Variants in TMEM267 observed in about 807,000 individuals in gnomAD.
The protein encoded by TMEM267 is transmembrane protein C5orf28.
TMEM267 carries 20 observed loss-of-function variants against 19.3 expected under a neutral mutation model. The ratio of observed to expected loss-of-function variants is 1.04; its 90% confidence interval spans 0.73 to 1.51. The LOEUF is 1.51. TMEM267 is among the 40% of genes most tolerant of loss of function. The pLI is 0.00. For missense variants in TMEM267, 242 were observed against 261.9 expected, an observed-to-expected ratio of 0.92 and a Z score of 0.52; for synonymous variants, 88 against 90.3, an observed-to-expected ratio of 0.97 and a Z score of 0.15.
intron 1 of TMEM267, among the ~76,000 whole-genome samples, chr5:43,464,109 T>C (rs865813654): frequency 6.6e-6 from 1 of 152,154 alleles, no homozygotes; most frequent in South Asian, 2.1e-4. Flanking sequence ...CAGCAAAGTC[T>C]CAGGATACAA....
intron 1 of TMEM267, among the ~76,000 whole-genome samples, chr5:43,478,933 G>A (rs979691553): frequency 6.6e-6 from 1 of 151,956 alleles, no homozygotes; most frequent in Non-Finnish European, 1.5e-5. Context: ...AAACTTTCTC[G>A]TGGTCAATTT....
rs555547049 is a variant in TMEM267, at chr5:43,445,541, T to C, written c.*681A>G. On this transcript the variant is annotated 3_prime_UTR_variant, in exon 3 of 3. Transcript: ENST00000397080. ...ATACTACTTCAGTAAAGTGCTACTGTAGCCAACATGTTTTAATAATTATTT... is the reference window on the plus strand; with the variant it reads ...ATACTACTTCAGTAAAGTGCTACTGCAGCCAACATGTTTTAATAATTATTT... The C allele has an allele frequency of 2.6e-5, 4 of 152,302 alleles. No homozygotes were observed. The highest frequency in any genetic ancestry group is 9.6e-5 in the African/African-American group (4 of 41,582). 9.4% of individuals were successfully genotyped at this position (152,302 alleles called of 1,614,324 possible). A position where few individuals can be genotyped will look rare whatever the true frequency, so the allele number is the denominator to read the frequency against.
intron 2 of TMEM267, among the ~76,000 whole-genome samples, chr5:43,447,744 T>C (rs569212879): frequency 9.9e-5 from 15 of 152,246 alleles, no homozygotes; most frequent in African/African-American, 2.9e-4. Context: ...CTCTCACACT[T>C]CCATCCAAGT....
intron 1 of TMEM267, among the ~76,000 whole-genome samples, chr5:43,470,964 TA>T (rs1048403139): frequency 6.6e-5 from 10 of 150,626 alleles, no homozygotes; most frequent in African/African-American, 1.5e-4. Flanking sequence ...AAAATTGAAA[TA>T]AAAAAATACA....
Position 43,446,460 on chromosome 5 carries a change from A to G in TMEM267, c.410T>C (p.Leu137Pro), listed in dbSNP as rs1490785930. ...TLKFTMHLFK[L>P]KDSWCFLPWM... ...GGGAAGAAAGCACCATGAGTCTTTGAGCTTGAAAAGGTGCATAGTAAATTT... is the reference window on the plus strand; with the variant it reads ...GGGAAGAAAGCACCATGAGTCTTTGGGCTTGAAAAGGTGCATAGTAAATTT... The change falls in exon 3 of 3, where the codon CTC becomes CCC. Residue 137 changes from leucine (L) to proline (P), a missense_variant. Coordinates refer to ENST00000397080, the MANE Select transcript of TMEM267 (RefSeq NM_022483.5). The G allele has an allele frequency of 6.2e-7, 1 of 1,613,934 alleles. No homozygotes were observed. Among genetic ancestry groups the G allele is most frequent in the East Asian group, 2.2e-5 (1 of 44,872 alleles).
At chr5:43,446,656 G>A in intron 2 of TMEM267, 99 bp from the exon 3 acceptor site, 1 of 701,794 alleles carries the variant, frequency 1.4e-6, no homozygotes, top group Non-Finnish European at 2.3e-6. Context: ...AGAGTCTATT[G>A]GACATGCAAA....
At chr5:43,452,295 G>A (rs929383001) in intron 2 of TMEM267, among the ~76,000 whole-genome samples, 2 of 151,960 alleles carry the variant, frequency 1.3e-5, no homozygotes, top group Non-Finnish European at 2.9e-5. Flanking sequence ...GTCTTGTACA[G>A]CAACATGGAT....
At chr5:43,473,234 C>T (rs1040342561) in intron 1 of TMEM267, among the ~76,000 whole-genome samples, 3 of 149,760 alleles carry the variant, frequency 2.0e-5, no homozygotes, top group African/African-American at 7.4e-5. Flanking sequence ...CTTAATTGTA[C>T]ATTCAACATA....
At chr5:43,449,814 CACT>C (rs1742473188) in intron 2 of TMEM267, among the ~76,000 whole-genome samples, 1 of 152,152 alleles carries the variant, frequency 6.6e-6, no homozygotes, top group Non-Finnish European at 1.5e-5. Flanking sequence ...CTATGGTAAT[CACT>C]ACTTGCAAGA....
chr5:43,476,867 CA>C lies in TMEM267; in HGVS notation c.-75+6954del, dbSNP rs201187963. 6.3e-3 allele frequency among the ~76,000 whole-genome samples: 955 copies of C among 150,424 alleles called. 2 individuals are homozygous for C. Among genetic ancestry groups the C allele is most frequent in the Non-Finnish European group, 9.6e-3 (650 of 67,648 alleles). ...TTCCAAGTGCAAGGAAGGGCAAAAA[CA>C]GTTTTGTATAAGTAAAAAAAAAAAA... On this transcript the variant is annotated intron_variant, in intron 1 of 2. Coordinates refer to ENST00000397080, the MANE Select transcript of TMEM267 (RefSeq NM_022483.5).
rs1439611758 is a variant in TMEM267, at chr5:43,467,906, G to C, written c.-74-13863C>G. Among the ~76,000 whole-genome samples the C allele has an allele frequency of 3.3e-5, 5 of 152,060 alleles. No individual in the cohort carries two copies. The East Asian group carries it at 5.8e-4, about 18-fold the overall frequency. ...CCTGTGACCTGGAAGCCCTCAGTTG[G>C]GGGGGGCCTTACTTTGAGCTGTATC... is the stretch of plus-strand genomic sequence containing the variant. On this transcript the variant is annotated intron_variant, in intron 1 of 2. Transcript: ENST00000397080.
rs1449846779 is a variant in TMEM267, at chr5:43,453,963, A to AT, written c.6dup (p.Ser3IlefsTer4). 1.4e-5 allele frequency: 23 copies of AT among 1,612,736 alleles called. No individual in the cohort carries two copies. Among genetic ancestry groups the AT allele is most frequent in the Non-Finnish European group, 2.0e-5 (23 of 1,179,086 alleles). Reference sequence around the variant, plus strand: ...AAAGCATGGGTCTTTTCAGTCTCGGATGCCATGACAAACAATATGTTAGTA... The same window carrying AT: ...AAAGCATGGGTCTTTTCAGTCTCGGATTGCCATGACAAACAATATGTTAGTA... On this transcript the variant is annotated frameshift_variant, in exon 2 of 3. Coordinates refer to ENST00000397080, the MANE Select transcript of TMEM267 (RefSeq NM_022483.5). LOFTEE classifies it high-confidence loss of function.
intron 1 of TMEM267, among the ~76,000 whole-genome samples, chr5:43,465,519 G>C (rs1248176707): frequency 6.6e-6 from 1 of 152,168 alleles, no homozygotes; most frequent in African/African-American, 2.4e-5. Flanking sequence ...TATGTTTATT[G>C]CGGCACTATT....
intron 1 of TMEM267, among the ~76,000 whole-genome samples, chr5:43,458,162 G>A (rs1239350014): frequency 2.0e-5 from 3 of 152,120 alleles, no homozygotes; most frequent in Non-Finnish European, 4.4e-5. Context: ...GTGCAGTGGT[G>A]TGAATATGGC....
At chr5:43,469,052 C>G (rs539770063) in intron 1 of TMEM267, among the ~76,000 whole-genome samples, 36 of 151,984 alleles carry the variant, frequency 2.4e-4, no homozygotes, top group African/African-American at 8.4e-4. Context: ...TATATCAAAA[C>G]CTAAGGGATA....
At chr5:43,482,915 A>C (rs1478102617) in intron 1 of TMEM267, among the ~76,000 whole-genome samples, 1 of 152,260 alleles carries the variant, frequency 6.6e-6, no homozygotes, top group East Asian at 1.9e-4. Flanking sequence ...AAAACAAATA[A>C]GAGCTGATAC....
intron 1 of TMEM267, among the ~76,000 whole-genome samples, chr5:43,459,482 C>T (rs1383183039): frequency 6.6e-6 from 1 of 151,900 alleles, no homozygotes; most frequent in Non-Finnish European, 1.5e-5. Context: ...AAACAAAACA[C>T]CTCAAACAAA....
intron 1 of TMEM267, among the ~76,000 whole-genome samples, chr5:43,479,341 CT>C (rs1330764796): frequency 6.6e-6 from 1 of 151,906 alleles, no homozygotes; most frequent in South Asian, 2.1e-4. Context: ...GTAATCATTA[CT>C]TTTTTTCCTT....
In TMEM267 at chr5:43,464,218, G is replaced by A. The variant is rs1296466336; in HGVS notation, c.-74-10175C>T. 9.2e-5 allele frequency among the ~76,000 whole-genome samples: 14 copies of A among 152,014 alleles called. No homozygotes were observed. The East Asian group carries it at 2.3e-3, about 25-fold the overall frequency. On this transcript the variant is annotated intron_variant, in intron 1 of 2. Transcript: ENST00000397080. ...CTCCCATTCACAATTGCTTCAAAGA[G>A]AATAAAATACCTAGGAATCCAACTT...
Sources: allele counts gnomAD v4.1 joint callset (sites outside exome capture counted in the v4.1 genomes callset), GRCh38; gene constraint gnomAD v4.1.1; transcripts MANE v1.5; gene names NCBI Gene and HGNC (gene_info 2026-07-23, HGNC 2026-07-21).